TNS3: variants seen among roughly 807,000 people sequenced by gnomAD.
TNS3 encodes the protein tensin 3.
A neutral mutation model predicts 140.9 loss-of-function variants in TNS3; 45 were observed. That is an observed-to-expected ratio of 0.32 (90% CI 0.25 to 0.41). The LOEUF (loss-of-function observed/expected upper bound fraction) is 0.41. TNS3 is among the 10% of genes least tolerant of loss of function. The pLI is 1.00. For missense variants in TNS3, 1,716 were observed against 1,906.7 expected, an observed-to-expected ratio of 0.90 and a Z score of 1.86; for synonymous variants, 815 against 788.4, an observed-to-expected ratio of 1.03 and a Z score of -0.56.
At chr7:47,395,003 C>T (rs146386245) in intron 16 of TNS3, among the ~76,000 whole-genome samples, 16 of 152,346 alleles carry the variant, frequency 1.1e-4, no homozygotes, top group African/African-American at 2.6e-4. Context: ...CACTGTCCAC[C>T]GGACTTCACT....
chr7:47,486,285 T>C (rs1235606113), intron 3 of TNS3, among the ~76,000 whole-genome samples: 1 of 151,990 alleles, frequency 6.6e-6, no homozygotes, highest in Non-Finnish European at 1.5e-5. Context: ...AACGTGCATG[T>C]GTGAAACTGA....
At chr7:47,330,621 G>A (rs1173662929) in intron 20 of TNS3, among the ~76,000 whole-genome samples, 1 of 152,064 alleles carries the variant, frequency 6.6e-6, no homozygotes, top group African/African-American at 2.4e-5. Flanking sequence ...GTGAAGCAAG[G>A]AGGGAGAGGA....
At chr7:47,558,394 A>C (rs1378409305) in intron 1 of TNS3, among the ~76,000 whole-genome samples, 2 of 152,190 alleles carry the variant, frequency 1.3e-5, no homozygotes, top group Non-Finnish European at 2.9e-5. Context: ...GACACTTGGC[A>C]GAGGGTCCCA....
chr7:47,302,385 C>A, intron 22 of TNS3, 113 bp from the exon 23 acceptor site: 4 of 837,708 alleles, frequency 4.8e-6, no homozygotes, highest in Non-Finnish European at 7.8e-6. Flanking sequence ...AGCAAGCGAG[C>A]GATGTTCTAA....
rs1288015827 is a variant in TNS3 at position 47,564,654 on chromosome 7, AAAAAAC to A, written c.-265+17391_-265+17396del. Among the ~76,000 whole-genome samples, 208 of 146,664 alleles carry A rather than the reference AAAAAAC, an allele frequency of 1.4e-3. 6 individuals are homozygous for A. Among genetic ancestry groups the A allele is most frequent in the Non-Finnish European group, 1.6e-3 (109 of 67,190 alleles). ...CCGTCTCAAAAAAAAAAAAAACAAA[AAAAAAC>A]AAAAAAAGACTGCAACCTCAAGAAC... On this transcript the variant is annotated intron_variant, in intron 1 of 30. Coordinates refer to ENST00000311160, the MANE Select transcript of TNS3 (RefSeq NM_022748.12).
chr7:47,435,306 C>A lies in TNS3; in HGVS notation c.300G>T (p.Gln100His). 1 of 1,614,138 alleles carries A rather than the reference C, an allele frequency of 6.2e-7. No homozygotes were observed. Among genetic ancestry groups the A allele is most frequent in the South Asian group, 1.1e-5 (1 of 91,082 alleles). ...AQESWLNSNL[Q>H]HVVVIHCRGG... ...CCCTGCAGTGAATGACGACCACATG[C>A]TGGAGGTTGCTGTTCAGCCAGGACT... is the stretch of plus-strand genomic sequence containing the variant. Residue 100 changes from glutamine to histidine, a missense_variant, in exon 8 of 31, where the codon CAG (glutamine) becomes CAT (histidine). Gln to His is a conservative substitution (Grantham distance 24). This residue lies in a region of TNS3 where 337 missense variants were observed against 428.9 expected (regional missense o/e 0.79). Transcript: ENST00000311160.
chr7:47,452,915 G>A (rs1554332557), intron 4 of TNS3: 1 of 985,488 alleles, frequency 1.0e-6, no homozygotes, highest in Non-Finnish European at 1.2e-6. Context: ...GGCGGCACGT[G>A]GGGAGTTGGG....
Position 47,435,393 on chromosome 7 carries a change from C to G in TNS3, c.213G>C (p.Val71=). The G allele has an allele frequency of 6.2e-7, 1 of 1,613,676 alleles. No individual in the cohort carries two copies. Among genetic ancestry groups the G allele is most frequent in the Non-Finnish European group, 8.5e-7 (1 of 1,179,988 alleles). ...GCGGTGCGTGGAGCTCTGGCCAGCCCACATCCATGATCTGCAACAAGAAAG... is the reference window on the plus strand; with the variant it reads ...GCGGTGCGTGGAGCTCTGGCCAGCCGACATCCATGATCTGCAACAAGAAAG... ...LTKLNPKIMD[V]GWPELHAPPL... is the part of the protein sequence containing the mutation. The change falls in exon 8 of 31, where the codon GTG becomes GTC. Residue 71 remains valine, a synonymous_variant. Coordinates refer to ENST00000311160, the MANE Select transcript of TNS3 (RefSeq NM_022748.12).
intron 20 of TNS3, among the ~76,000 whole-genome samples, chr7:47,340,615 A>G (rs1788955198): frequency 2.0e-5 from 2 of 101,636 alleles, no homozygotes; most frequent in South Asian, 3.1e-4. Context: ...AGAGTCTCAC[A>G]CTGTCGCCCA....
intron 1 of TNS3, among the ~76,000 whole-genome samples, chr7:47,576,220 C>T (rs923320394): frequency 6.6e-6 from 1 of 152,202 alleles, no homozygotes; most frequent in Non-Finnish European, 1.5e-5. Context: ...CCACAAGGTG[C>T]TTTTCAGGCC....
intron 26 of TNS3, among the ~76,000 whole-genome samples, chr7:47,292,420 T>C (rs1353028077): frequency 6.6e-6 from 1 of 152,226 alleles, no homozygotes; most frequent in Non-Finnish European, 1.5e-5. Flanking sequence ...ATTATGGATA[T>C]TGTTTAACAA....
intron 2 of TNS3, among the ~76,000 whole-genome samples, chr7:47,516,133 G>A (rs982761312): frequency 1.3e-5 from 2 of 152,230 alleles, no homozygotes; most frequent in Non-Finnish European, 2.9e-5. Flanking sequence ...AAATGTATAT[G>A]ACATATGTGA....
At chr7:47,300,766 G>A (rs1027406602) in intron 23 of TNS3, among the ~76,000 whole-genome samples, 5 of 152,198 alleles carry the variant, frequency 3.3e-5, no homozygotes, top group African/African-American at 7.2e-5. Context: ...AGGCACTGGG[G>A]GCCACAGTCA....
chr7:47,295,947 T>C (rs921433381), intron 24 of TNS3, among the ~76,000 whole-genome samples: 5 of 152,184 alleles, frequency 3.3e-5, no homozygotes, highest in African/African-American at 4.8e-5. Flanking sequence ...CTCACTTTTC[T>C]ATAAACACAG....
chr7:47,289,447 T>C (rs1785583953), intron 27 of TNS3, among the ~76,000 whole-genome samples: 1 of 152,206 alleles, frequency 6.6e-6, no homozygotes, highest in African/African-American at 2.4e-5. Context: ...AAGAGCCCTA[T>C]GGTGTGTGGT....
chr7:47,475,578 T>C (rs1467480376), intron 4 of TNS3, among the ~76,000 whole-genome samples: 1 of 152,186 alleles, frequency 6.6e-6, no homozygotes, highest in Non-Finnish European at 1.5e-5. Context: ...GGCTGTGGGC[T>C]GCCCAGGAGG....
intron 8 of TNS3, among the ~76,000 whole-genome samples, chr7:47,432,337 G>GC (rs1794966090): frequency 6.6e-6 from 1 of 152,150 alleles, no homozygotes; most frequent in African/African-American, 2.4e-5. Flanking sequence ...AGCACCCTCA[G>GC]CCCCCTCGCC....
chr7:47,553,176 T>C (rs2151984816), intron 1 of TNS3, among the ~76,000 whole-genome samples: 1 of 152,310 alleles, frequency 6.6e-6, no homozygotes, highest in East Asian at 1.9e-4. Flanking sequence ...CTCCATAACA[T>C]AGCAGAGTAA....
Position 47,275,807 on chromosome 7 carries a change from A to G in TNS3, c.*2269T>C, listed in dbSNP as rs990033429. 2.2e-6 allele frequency: 1 copy of G among 455,974 alleles called. No individual in the cohort carries two copies. Among genetic ancestry groups the G allele is most frequent in the Non-Finnish European group, 4.4e-6 (1 of 226,804 alleles). 28.2% of individuals were successfully genotyped at this position (455,974 alleles called of 1,614,324 possible). On this transcript the variant is annotated 3_prime_UTR_variant, in exon 31 of 31. Transcript: ENST00000311160. ...AAATCACACCTGGCCAATGAGTTCA[A>G]AAAGCACGTTTGCAGGGCTTCCTGA...
Sources: allele counts gnomAD v4.1 joint callset (sites outside exome capture counted in the v4.1 genomes callset), GRCh38; gene constraint gnomAD v4.1.1; regional missense constraint gnomAD v4.1.1; transcripts MANE v1.5; gene names NCBI Gene and HGNC (gene_info 2026-07-23, HGNC 2026-07-21).